The following PLD1 variants were observed in gnomAD, a reference collection of about 807,000 sequenced individuals.
The protein encoded by PLD1 is choline phosphatase 1.
In PLD1, 112 loss-of-function variants were observed where a neutral mutation model predicts 137.1. That is an observed-to-expected ratio of 0.82 (90% CI 0.70 to 0.96). The LOEUF is 0.96. Ranked by LOEUF, PLD1 falls within the 40% of genes least tolerant of loss-of-function variation. The pLI, the probability that PLD1 is intolerant of heterozygous loss-of-function variation, is 0.00. For missense variants in PLD1, 1,321 were observed against 1,342.0 expected (o/e 0.98, Z 0.24); for synonymous variants, 431 against 454.7 (o/e 0.95, Z 0.66).
chr3:171,799,693 C>G (rs961789828), intron 1 of PLD1, among the ~76,000 whole-genome samples: 2 of 152,196 alleles, frequency 1.3e-5, no homozygotes, highest in African/African-American at 4.8e-5. Context: ...CACACAACTT[C>G]AGTGAGGTGA....
intron 21 of PLD1, among the ~76,000 whole-genome samples, chr3:171,655,897 G>C (rs1383119195): frequency 6.6e-6 from 1 of 152,160 alleles, no homozygotes; most frequent in African/African-American, 2.4e-5. Context: ...ACTATTGAGA[G>C]ATCAGAGCTA....
At chr3:171,734,632 T>C (rs1015465344) in intron 5 of PLD1, among the ~76,000 whole-genome samples, 14 of 152,130 alleles carry the variant, frequency 9.2e-5, no homozygotes, top group Admixed American at 6.5e-4. Flanking sequence ...GAACAGCTTC[T>C]TCATAATGTC....
intron 23 of PLD1, among the ~76,000 whole-genome samples, chr3:171,622,886 T>C (rs1437351679): frequency 6.6e-6 from 1 of 151,764 alleles, no homozygotes; most frequent in Non-Finnish European, 1.5e-5. Flanking sequence ...AGCCTTTATA[T>C]ACACAAAACA....
intron 6 of PLD1, among the ~76,000 whole-genome samples, chr3:171,732,667 A>G (rs1719036271): frequency 6.6e-6 from 1 of 152,242 alleles, no homozygotes; most frequent in African/African-American, 2.4e-5. Flanking sequence ...CTGCACATAT[A>G]TAATATAGAT....
intron 9 of PLD1, 46 bp downstream of exon 9, chr3:171,713,847 T>C (rs979093413): frequency 3.3e-6 from 5 of 1,509,794 alleles, no homozygotes; most frequent in Non-Finnish European, 3.6e-6. Context: ...AAAATGTTTT[T>C]AAGGCATTTT....
intron 23 of PLD1, 127 bp from the exon 24 acceptor site, chr3:171,620,647 G>T: frequency 2.5e-6 from 1 of 400,632 alleles, no homozygotes; most frequent in Non-Finnish European, 4.3e-6. Context: ...ATATGTATAT[G>T]TTTTCTATTT....
chr3:171,804,669 A>G (rs1243919254), intron 1 of PLD1, among the ~76,000 whole-genome samples: 1 of 152,242 alleles, frequency 6.6e-6, no homozygotes, highest in Non-Finnish European at 1.5e-5. Context: ...AAACTAGACT[A>G]GACTGTTATG....
At chr3:171,785,356 A>T (rs943367692) in intron 1 of PLD1, among the ~76,000 whole-genome samples, 1 of 152,172 alleles carries the variant, frequency 6.6e-6, no homozygotes, top group Non-Finnish European at 1.5e-5. Flanking sequence ...TTACCAAAAT[A>T]CTGTGTCATG....
At chr3:171,635,017 C>T (rs571973374) in intron 23 of PLD1, among the ~76,000 whole-genome samples, 1 of 152,190 alleles carries the variant, frequency 6.6e-6, no homozygotes, top group East Asian at 1.9e-4. Context: ...AAAATGAAAC[C>T]AGACAATATG....
chr3:171,744,030 C>A (rs1435821115), intron 1 of PLD1, among the ~76,000 whole-genome samples: 1 of 152,170 alleles, frequency 6.6e-6, no homozygotes, highest in African/African-American at 2.4e-5. Flanking sequence ...GGTTGAAAAG[C>A]CCCTGAGAGG....
intron 20 of PLD1, among the ~76,000 whole-genome samples, chr3:171,660,905 G>A (rs981919966): frequency 2.1e-4 from 32 of 152,194 alleles, no homozygotes; most frequent in Admixed American, 1.7e-3. Context: ...CACCGTGCCC[G>A]GCCAGAAAAG....
chr3:171,748,076 G>A (rs1007465015), intron 1 of PLD1, among the ~76,000 whole-genome samples: 1 of 152,134 alleles, frequency 6.6e-6, no homozygotes, highest in Non-Finnish European at 1.5e-5. Flanking sequence ...TCACCCAGAA[G>A]ACAAAAACTA....
intron 1 of PLD1, among the ~76,000 whole-genome samples, chr3:171,751,857 G>A (rs527729185): frequency 9.9e-5 from 15 of 152,038 alleles, no homozygotes; most frequent in South Asian, 2.1e-4. Flanking sequence ...AAAATTAGCC[G>A]GGCATGGTGA....
intron 1 of PLD1, among the ~76,000 whole-genome samples, chr3:171,796,551 T>C (rs887970184): frequency 3.9e-5 from 6 of 152,236 alleles, no homozygotes; most frequent in South Asian, 2.1e-4. Context: ...CTGTGTTCTA[T>C]CATATTTCAG....
At chr3:171,662,487 A>G (rs879926299) in intron 19 of PLD1, among the ~76,000 whole-genome samples, 5 of 152,156 alleles carry the variant, frequency 3.3e-5, no homozygotes, top group Non-Finnish European at 7.4e-5. Flanking sequence ...TACAAAGACT[A>G]TTTCAGAAGT....
At chr3:171,642,185 T>C (rs114451104) in intron 23 of PLD1, among the ~76,000 whole-genome samples, 5,171 of 152,178 alleles carry the variant, frequency 0.034, 320 homozygotes, top group African/African-American at 0.12. Flanking sequence ...CTGCACATGG[T>C]GGCTCACACT....
intron 1 of PLD1, among the ~76,000 whole-genome samples, chr3:171,771,604 C>A (rs1205554846): frequency 6.6e-6 from 1 of 152,190 alleles, no homozygotes; most frequent in Non-Finnish European, 1.5e-5. Context: ...TCAGACACTG[C>A]AATAAAGTGA....
intron 19 of PLD1, among the ~76,000 whole-genome samples, chr3:171,663,113 C>T (rs942500325): frequency 7.2e-5 from 11 of 152,172 alleles, no homozygotes; most frequent in Non-Finnish European, 1.5e-4. Context: ...CAGGGGCATA[C>T]CATCATTCTA....
chr3:171,748,719 G>T (rs1272553024), intron 1 of PLD1, among the ~76,000 whole-genome samples: 1 of 151,710 alleles, frequency 6.6e-6, no homozygotes, highest in Non-Finnish European at 1.5e-5. Context: ...GATTTTGAGT[G>T]AAGTAACTTG....
Sources: allele counts gnomAD v4.1 joint callset (sites outside exome capture counted in the v4.1 genomes callset), GRCh38; gene constraint gnomAD v4.1.1; transcripts MANE v1.5; gene names NCBI Gene and HGNC (gene_info 2026-07-23, HGNC 2026-07-21).